CREBZF: variants seen among roughly 807,000 people sequenced by gnomAD.
CREBZF encodes HCF-binding transcription factor Zhangfei.
A neutral mutation model predicts 21.1 loss-of-function variants in CREBZF; 8 were observed. The ratio of observed to expected loss-of-function variants is 0.38; its 90% CI spans 0.22 to 0.68. CREBZF has a LOEUF of 0.68. Among genes scored for constraint, CREBZF ranks in the 30% least tolerant of loss-of-function variants. The probability of loss-of-function intolerance (pLI) is 0.51; values close to 1 mark genes in which losing one functional copy is unlikely to be tolerated. For synonymous variants in CREBZF, 270 were observed against 223.3 expected, an observed-to-expected ratio of 1.21 and a Z score of -1.86; for missense variants, 518 against 484.3, an observed-to-expected ratio of 1.07 and a Z score of -0.65.
intron 1 of CREBZF, among the ~76,000 whole-genome samples, chr11:85,680,501 G>T (rs1303325313): frequency 6.6e-6 from 1 of 152,222 alleles, no homozygotes; most frequent in Non-Finnish European, 1.5e-5. Context: ...CTGTGGGACT[G>T]GGGAGTAAGG....
chr11:85,664,763 G>A lies in CREBZF; in HGVS notation c.113C>T (p.Ala38Val), dbSNP rs1248856866. 3.7e-6 allele frequency: 6 copies of A among 1,607,812 alleles called. No homozygotes were observed. In the Admixed American group the frequency reaches 1.0e-4, roughly 27 times the overall value. The change falls in exon 1 of 1, where the codon GCT becomes GTT. Residue 38 changes from alanine to valine, a missense_variant. Ala to Val is a moderately conservative substitution (Grantham distance 64). Around this residue, in one of 3 missense-constraint regions of CREBZF, gnomAD observed 396 missense variants for 324.4 expected, o/e 1.22. Coordinates refer to ENST00000527447, the MANE Select transcript of CREBZF (RefSeq NM_001039618.4). The surrounding 1 kb of genome is among the most constrained non-coding windows in gnomAD (Gnocchi z 5.5). ...TCSLPSDLTRAAAGEEETAAA... is the reference protein window; with the variant it reads ...TCSLPSDLTRVAAGEEETAAA... ...CGCCGTCTCCTCCTCCCCCGCTGCAGCCCGGGTCAGGTCAGAGGGCAGCGA... is the reference window on the plus strand; with the variant it reads ...CGCCGTCTCCTCCTCCCCCGCTGCAACCCGGGTCAGGTCAGAGGGCAGCGA...
Position 85,662,517 on chromosome 11 carries a change from T to G in CREBZF, c.*1294A>C, listed in dbSNP as rs2082713973. ...GTATATACTTTATCAAGCAGTGATG[T>G]TTCACAAAGAATTTCTTAATGCCTC... On this transcript the variant is annotated 3_prime_UTR_variant, in exon 1 of 1. Transcript: ENST00000527447. The G allele has an allele frequency of 1.5e-6, 1 of 687,744 alleles. No individual in the cohort carries two copies. Among genetic ancestry groups the G allele is most frequent in the African/African-American group, 1.8e-5 (1 of 56,128 alleles). 42.6% of individuals were successfully genotyped at this position (687,744 alleles called of 1,614,324 possible). A position where few individuals can be genotyped will look rare whatever the true frequency, so the allele number is the denominator to read the frequency against.
At chr11:85,670,027 T>G (rs1434432263), upstream of CREBZF, among the ~76,000 whole-genome samples, 1 of 152,122 alleles carries the variant, frequency 6.6e-6, no homozygotes, top group Non-Finnish European at 1.5e-5. Context: ...TAAGCTGGTC[T>G]TGAACTCCTG....
chr11:85,663,932 T>C lies in CREBZF; in HGVS notation c.944A>G (p.Gln315Arg). 6.2e-7 allele frequency: 1 copy of C among 1,613,882 alleles called. No homozygotes were observed. Residue 315 changes from glutamine to arginine, a missense_variant, in exon 1 of 1, where the codon CAG (glutamine) becomes CGG (arginine). Physicochemically the swap from Gln to Arg is conservative, Grantham distance 43. Transcript: ENST00000527447. ...DYALPVGKQK[Q>R]DLLEEDDSAG... is the part of the protein sequence containing the mutation. ...CGAGTCGTCCTCTTCCAGCAGGTCC[T>C]GCTTCTGCTTTCCCACCGGCAGAGC...
rs544702146 is a variant in CREBZF at position 85,682,712 on chromosome 11, C to T, written n.147+5G>A. On this transcript the variant is annotated splice_donor_5th_base_variant and intron_variant and non_coding_transcript_variant, in intron 1 of 3. Coordinates refer to the CREBZF transcript ENST00000531515. The stretch of plus-strand genomic sequence containing the variant: ...CTCCAGTACCCGGAATTCCGGGATT[C>T]ATACCCAAACGGCCCTCAGCCCGCT... The T allele has an allele frequency of 8.8e-4, 598 of 680,714 alleles. 1 individual carries two copies. The highest frequency in any genetic ancestry group is 1.7e-3 in the Admixed American group (82 of 48,700). The allele number at this position is 680,714 out of a possible 1,614,324, so 42.2% of individuals were successfully genotyped here.
At position 85,670,492 on chromosome 11, in the gene CREBZF, CG is replaced by C. The variant is rs2082904834; in HGVS notation, n.148-6892del. 2.0e-5 allele frequency among the ~76,000 whole-genome samples: 3 copies of C among 151,834 alleles called. No homozygotes were observed. In the South Asian group the frequency reaches 6.2e-4, roughly 32 times the overall value. On this transcript the variant is annotated intron_variant and non_coding_transcript_variant, in intron 1 of 3. Transcript: ENST00000531515. ...CTAATTTTTTGTAAATTAGTAGAGC[CG>C]GGGTTTCACCATGTTAGCCAGGATG...
At chr11:85,682,702 T>C in intron 1 of CREBZF, 1 of 618,778 alleles carries the variant, frequency 1.6e-6, no homozygotes, top group Non-Finnish European at 3.0e-6. Flanking sequence ...GTACCCGGAA[T>C]TCCGGGATTC....
chr11:85,672,048 T>C (rs1036471308), intron 1 of CREBZF, among the ~76,000 whole-genome samples: 3 of 152,252 alleles, frequency 2.0e-5, no homozygotes, highest in African/African-American at 4.8e-5. Flanking sequence ...AGTGTTTCCA[T>C]ACATCCTCTA....
At chr11:85,671,561 AT>A (rs1395374262) in intron 1 of CREBZF, among the ~76,000 whole-genome samples, 6 of 152,260 alleles carry the variant, frequency 3.9e-5, no homozygotes, top group African/African-American at 1.2e-4. Flanking sequence ...CCTAGATACA[AT>A]GAGGGTACAG....
At chr11:85,677,569 T>C (rs1258024086) in intron 1 of CREBZF, among the ~76,000 whole-genome samples, 3 of 152,244 alleles carry the variant, frequency 2.0e-5, no homozygotes, top group Non-Finnish European at 4.4e-5. Flanking sequence ...TGTGGTGTTA[T>C]TTTACTTATC....
Position 85,664,811 on chromosome 11 carries a change from C to A in CREBZF, c.65G>T (p.Ser22Ile), listed in dbSNP as rs770349667. 3 of 1,566,754 alleles carry A rather than the reference C, an allele frequency of 1.9e-6. No homozygotes were observed. The highest frequency in any genetic ancestry group is 2.6e-6 in the Non-Finnish European group (3 of 1,160,246). ...CGAACAAGTTGCAGCCGGCTCCGGG[C>A]TCTCACTGCGGGTTGGGGAGTTGCT... The part of the protein sequence containing the change: ...SGSNSPTRSE[S>I]PEPAATCSLP... The change falls in exon 1 of 1, where the codon AGC becomes ATC. Residue 22 changes from serine to isoleucine, a missense_variant. Ser to Ile is a moderately radical substitution (Grantham distance 142, BLOSUM62 -2). Transcript: ENST00000527447. The surrounding 1 kb of genome is among the most constrained non-coding windows in gnomAD (Gnocchi z 5.5).
At chr11:85,677,440 A>G (rs2082949839) in intron 1 of CREBZF, among the ~76,000 whole-genome samples, 1 of 152,192 alleles carries the variant, frequency 6.6e-6, no homozygotes, top group South Asian at 2.1e-4. Flanking sequence ...TATGTCTCTT[A>G]AATTTCTTTT....
chr11:85,680,423 G>C (rs1425826621), intron 1 of CREBZF, among the ~76,000 whole-genome samples: 3 of 152,158 alleles, frequency 2.0e-5, no homozygotes, highest in African/African-American at 7.2e-5. Flanking sequence ...TTTTAGACTA[G>C]TACAAATAAG....
At chr11:85,671,233 TA>T (rs1309077594) in intron 1 of CREBZF, among the ~76,000 whole-genome samples, 1 of 152,178 alleles carries the variant, frequency 6.6e-6, no homozygotes, top group Non-Finnish European at 1.5e-5. Flanking sequence ...TCATGAGACT[TA>T]TTCACTACAG....
At chr11:85,667,466 T>A (rs1282061840), upstream of CREBZF, among the ~76,000 whole-genome samples, 1 of 152,204 alleles carries the variant, frequency 6.6e-6, no homozygotes, top group East Asian at 1.9e-4. Flanking sequence ...CCCTAACTCA[T>A]TTTTCTTTGA....
chr11:85,667,336 G>A (rs574397444), upstream of CREBZF, among the ~76,000 whole-genome samples: 2 of 152,226 alleles, frequency 1.3e-5, no homozygotes, highest in Non-Finnish European at 2.9e-5. Flanking sequence ...GCCTCCCAAA[G>A]TGCTGGGATT....
chr11:85,663,543 G>A lies in CREBZF; in HGVS notation c.*268C>T. 7.6e-7 allele frequency: 1 copy of A among 1,309,628 alleles called. No individual in the cohort carries two copies. Among genetic ancestry groups the A allele is most frequent in the Non-Finnish European group, 1.1e-6 (1 of 927,168 alleles). The allele number at this position is 1,309,628 out of a possible 1,614,324, so 81.1% of individuals were successfully genotyped here. ...CCTTACCAGGTTGTGAGGCGGGAACGACTGTTCTGTAACCCCTACAACGGA... is the reference window on the plus strand; with the variant it reads ...CCTTACCAGGTTGTGAGGCGGGAACAACTGTTCTGTAACCCCTACAACGGA... On this transcript the variant is annotated 3_prime_UTR_variant, in exon 1 of 1. Transcript: ENST00000527447.
upstream of CREBZF, among the ~76,000 whole-genome samples, chr11:85,667,347 G>C (rs1293290807): frequency 6.6e-6 from 1 of 152,208 alleles, no homozygotes; most frequent in Admixed American, 6.5e-5. Flanking sequence ...TGCTGGGATT[G>C]CAGGCGCAAG....
At chr11:85,673,995 C>T (rs1431648920) in intron 1 of CREBZF, among the ~76,000 whole-genome samples, 1 of 152,186 alleles carries the variant, frequency 6.6e-6, no homozygotes, top group Admixed American at 6.5e-5. Flanking sequence ...AATCCTAGTT[C>T]TCTTCTTACT....
Sources: allele counts gnomAD v4.1 joint callset (sites outside exome capture counted in the v4.1 genomes callset), GRCh38; gene constraint gnomAD v4.1.1; regional missense constraint gnomAD v4.1.1; non-coding constraint Gnocchi (gnomAD v3.1); transcripts MANE v1.5; gene names NCBI Gene and HGNC (gene_info 2026-07-23, HGNC 2026-07-21).